Variants in GPATCH2 observed in about 807,000 individuals in gnomAD.
GPATCH2 encodes G-patch domain containing 2.
GPATCH2 carries 51 observed loss-of-function variants against 58.0 expected under a neutral mutation model. That is an observed-to-expected ratio of 0.88 (90% CI 0.70 to 1.11). The LOEUF (loss-of-function observed/expected upper bound fraction) is 1.11, where lower values mean the gene tolerates loss of function less well. Among genes scored for constraint, GPATCH2 ranks in the 50% most tolerant of loss-of-function variants. The pLI is 0.00. For missense variants in GPATCH2, 625 were observed against 652.2 expected (o/e 0.96, Z 0.45); for synonymous variants, 222 against 218.5 (o/e 1.02, Z -0.14).
At chr1:217,577,164 G>A (rs139836503) in intron 5 of GPATCH2, among the ~76,000 whole-genome samples, 1 of 152,098 alleles carries the variant, frequency 6.6e-6, no homozygotes, top group Non-Finnish European at 1.5e-5. Context: ...CAGGACCACT[G>A]GAAAGATAAT....
intron 9 of GPATCH2, among the ~76,000 whole-genome samples, chr1:217,437,022 C>T (rs1438529732): frequency 1.3e-5 from 2 of 152,124 alleles, no homozygotes; most frequent in Admixed American, 6.5e-5. Flanking sequence ...GCATTTCCAG[C>T]TGAGGTACCT....
intron 5 of GPATCH2, among the ~76,000 whole-genome samples, chr1:217,538,764 C>T (rs10863323): frequency 0.17 from 25,830 of 152,034 alleles, 2,959 homozygotes; most frequent in East Asian, 0.48. Context: ...ATATATACAC[C>T]AATAGACTCT....
At chr1:217,521,387 A>C (rs1363806246) in intron 5 of GPATCH2, among the ~76,000 whole-genome samples, 11 of 148,692 alleles carry the variant, frequency 7.4e-5, no homozygotes, top group Non-Finnish European at 7.4e-5. Context: ...TGATATATCA[A>C]AACAAATGTT....
chr1:217,454,315 T>C (rs1362044923), intron 8 of GPATCH2, among the ~76,000 whole-genome samples: 7 of 152,076 alleles, frequency 4.6e-5, no homozygotes, highest in African/African-American at 9.7e-5. Flanking sequence ...TCTGGCCTGG[T>C]GCGGTGGCTC....
chr1:217,529,307 C>G (rs548435086), intron 5 of GPATCH2, among the ~76,000 whole-genome samples: 2 of 152,262 alleles, frequency 1.3e-5, no homozygotes, highest in East Asian at 3.9e-4. Flanking sequence ...TGGTCCCTGG[C>G]ATAATGGTAT....
At chr1:217,586,237 C>T (rs1027117143) in intron 5 of GPATCH2, among the ~76,000 whole-genome samples, 3 of 152,138 alleles carry the variant, frequency 2.0e-5, no homozygotes, top group African/African-American at 7.2e-5. Flanking sequence ...TTAACTTTAT[C>T]AACCTTTAAA....
At chr1:217,434,188 A>G (rs1156950948) in intron 9 of GPATCH2, among the ~76,000 whole-genome samples, 1 of 152,220 alleles carries the variant, frequency 6.6e-6, no homozygotes. Flanking sequence ...CAACAATGTC[A>G]AAGAAAAATT....
chr1:217,588,471 C>T (rs1015842577), intron 5 of GPATCH2, among the ~76,000 whole-genome samples: 1 of 151,712 alleles, frequency 6.6e-6, no homozygotes. Context: ...TTAGAAAGGT[C>T]GAAGTTTCTT....
intron 8 of GPATCH2, among the ~76,000 whole-genome samples, chr1:217,488,895 T>G (rs1369192190): frequency 6.6e-6 from 1 of 151,486 alleles, no homozygotes; most frequent in Non-Finnish European, 1.5e-5. Flanking sequence ...GAGTCTTGCA[T>G]GTTGCCCATG....
At chr1:217,449,662 G>T (rs1245241733) in intron 8 of GPATCH2, among the ~76,000 whole-genome samples, 1 of 152,164 alleles carries the variant, frequency 6.6e-6, no homozygotes, top group Non-Finnish European at 1.5e-5. Context: ...ATTATCTAAA[G>T]AGATCACAAT....
chr1:217,566,258 G>A (rs537205144), intron 5 of GPATCH2, among the ~76,000 whole-genome samples: 11 of 152,060 alleles, frequency 7.2e-5, no homozygotes, highest in Non-Finnish European at 1.5e-4. Flanking sequence ...CTCAGCTGAA[G>A]CAATTCAAAT....
intron 5 of GPATCH2, among the ~76,000 whole-genome samples, chr1:217,594,205 T>C (rs1053104264): frequency 2.6e-5 from 4 of 152,146 alleles, no homozygotes; most frequent in Non-Finnish European, 5.9e-5. Flanking sequence ...TTTTCACACA[T>C]GTGAGGCACG....
At chr1:217,584,119 A>G (rs1667207193) in intron 5 of GPATCH2, among the ~76,000 whole-genome samples, 2 of 151,966 alleles carry the variant, frequency 1.3e-5, no homozygotes. Flanking sequence ...GCTATACATT[A>G]ATAATAATGT....
At chr1:217,565,757 A>T (rs569543683) in intron 5 of GPATCH2, among the ~76,000 whole-genome samples, 13 of 59,628 alleles carry the variant, frequency 2.2e-4, no homozygotes, top group Non-Finnish European at 5.3e-4. Context: ...AAACGTATAT[A>T]AAAAAAAGTT....
At chr1:217,452,705 G>C (rs1330192023) in intron 8 of GPATCH2, among the ~76,000 whole-genome samples, 1 of 151,802 alleles carries the variant, frequency 6.6e-6, no homozygotes, top group Non-Finnish European at 1.5e-5. Context: ...CAAACATTTT[G>C]GGTATCTTCA....
chr1:217,586,684 A>T (rs1667357102), intron 5 of GPATCH2, among the ~76,000 whole-genome samples: 1 of 152,224 alleles, frequency 6.6e-6, no homozygotes, highest in Admixed American at 6.5e-5. Context: ...TATCATTATC[A>T]ACTATTATGT....
intron 2 of GPATCH2, among the ~76,000 whole-genome samples, chr1:217,619,388 A>C (rs1377661127): frequency 6.6e-6 from 1 of 152,208 alleles, no homozygotes; most frequent in African/African-American, 2.4e-5. Context: ...GATGTTCAAG[A>C]ATCAGGATAG....
intron 5 of GPATCH2, among the ~76,000 whole-genome samples, chr1:217,551,350 A>G (rs1665351745): frequency 6.6e-6 from 1 of 152,102 alleles, no homozygotes; most frequent in South Asian, 2.1e-4. Context: ...AGTGTTCCTA[A>G]AAGGCATCAG....
At chr1:217,582,079 CT>C (rs1667108389) in intron 5 of GPATCH2, among the ~76,000 whole-genome samples, 1 of 152,174 alleles carries the variant, frequency 6.6e-6, no homozygotes, top group South Asian at 2.1e-4. Flanking sequence ...TATGAGACAA[CT>C]TTCAAACATA....
Sources: gnomAD v4.1 joint callset for allele counts (sites outside exome capture counted in the v4.1 genomes callset) on GRCh38, gnomAD v4.1.1 for gene constraint, MANE v1.5 for transcripts, NCBI Gene and HGNC (gene_info 2026-07-23, HGNC 2026-07-21) for gene names.